Variants in PCSK7 observed in about 807,000 individuals in gnomAD.
PCSK7 encodes the protein proprotein convertase subtilisin/kexin type 7, also known as lymphoma proprotein convertase.
PCSK7 carries 38 observed loss-of-function variants against 73.3 expected under a neutral mutation model. That is an observed-to-expected ratio of 0.52 (90% CI 0.40 to 0.68). The LOEUF (loss-of-function observed/expected upper bound fraction) is 0.68, where lower values mean the gene tolerates loss of function less well. Among genes scored for constraint, PCSK7 ranks in the 30% least tolerant of loss-of-function variants. The probability of loss-of-function intolerance (pLI) is 0.00; values close to 1 mark genes in which losing one functional copy is unlikely to be tolerated. For synonymous variants in PCSK7, 296 were observed against 383.8 expected (o/e 0.77, Z 2.68); for missense variants, 692 against 991.5 (o/e 0.70, Z 4.06).
At position 117,204,844 on chromosome 11, in the gene PCSK7, G is replaced by T. The variant is rs1255054600; in HGVS notation, c.*1153C>A. 5 of 296,372 alleles carry T rather than the reference G, an allele frequency of 1.7e-5. No homozygotes were observed. The highest frequency in any genetic ancestry group is 2.7e-5 in the Non-Finnish European group (4 of 150,808). 18.4% of individuals were successfully genotyped at this position (296,372 alleles called of 1,614,324 possible). Reference sequence around the variant, plus strand: ...CCTGGTCACTTTTGTTATGGTTTCAGATCTGCGCAGGGGACAGGCAGGCAT... The same window carrying T: ...CCTGGTCACTTTTGTTATGGTTTCATATCTGCGCAGGGGACAGGCAGGCAT... On this transcript the variant is annotated 3_prime_UTR_variant, in exon 17 of 17. Transcript: ENST00000320934.
At position 117,229,694 on chromosome 11, in the gene PCSK7, C is replaced by G; in HGVS notation, c.151G>C (p.Gly51Arg). The G allele has an allele frequency of 6.2e-7, 1 of 1,613,862 alleles. No homozygotes were observed. Among genetic ancestry groups the G allele is most frequent in the Non-Finnish European group, 8.5e-7 (1 of 1,179,784 alleles). ...TGGPDGQGTG[G>R]PSWAVHLESL... ...TCCAGGTGCACAGCCCAGCTCGGCC[C>G]CCCTGTGCCCTGGCCATCAGGCCCA... The change falls in exon 3 of 17, where the codon GGG becomes CGG. Residue 51 changes from glycine to arginine, a missense_variant. Transcript: ENST00000320934.
intron 1 of PCSK7, chr11:117,230,997 C>T (rs988256102): frequency 6.6e-6 from 1 of 151,078 alleles, no homozygotes. Context: ...ACTCAGACTC[C>T]AGACTGGGAC....
At chr11:117,216,736 C>T (rs1328824928) in intron 12 of PCSK7, 3 of 152,092 alleles carry the variant, frequency 2.0e-5, no homozygotes, top group African/African-American at 7.2e-5. Flanking sequence ...GCTCAACTCT[C>T]ATTTTAACTG....
At chr11:117,225,602 G>A (rs2032391934) in intron 6 of PCSK7, 1 of 353,266 alleles carries the variant, frequency 2.8e-6, no homozygotes, top group South Asian at 4.1e-5. Flanking sequence ...CATTGGCGTG[G>A]GGTGGGGGAT....
At chr11:117,209,443 T>C (rs1397455179) in intron 12 of PCSK7, 4 of 202,766 alleles carry the variant, frequency 2.0e-5, no homozygotes, top group East Asian at 2.7e-4. Flanking sequence ...GTATGGGAAA[T>C]ATACATAATT....
Position 117,229,578 on chromosome 11 carries a change from G to A in PCSK7, c.267C>T (p.Ile89=), listed in dbSNP as rs148605424. ...AGAGGTAGTGCCCCTGAAGCTCTCC[G>A]ATGCGTCCAGCATTCACCAGCCCTG... ...QAAGLVNAGR[I]GELQGHYLFV... is the part of the protein sequence containing the mutation. The change falls in exon 3 of 17, where the codon ATC becomes ATT. Residue 89 remains isoleucine (I), a synonymous_variant. Coordinates refer to ENST00000320934, the MANE Select transcript of PCSK7 (RefSeq NM_004716.4). 6.4e-5 allele frequency: 104 copies of A among 1,614,036 alleles called. No homozygotes were observed. The African/African-American group carries it at 7.2e-4, about 11-fold the overall frequency.
At chr11:117,210,396 G>C (rs1055203704) in intron 12 of PCSK7, 2 of 141,378 alleles carry the variant, frequency 1.4e-5, no homozygotes, top group African/African-American at 5.5e-5. Flanking sequence ...GTCTCTCTCT[G>C]TTGCCAGGCT....
chr11:117,211,000 C>T (rs1342884769), intron 12 of PCSK7: 1 of 152,158 alleles, frequency 6.6e-6, no homozygotes, highest in Non-Finnish European at 1.5e-5. Flanking sequence ...GACACAGTAG[C>T]TCAGAGAGGC....
chr11:117,224,845 G>T, intron 6 of PCSK7, 90 bp from the exon 7 acceptor site: 1 of 911,852 alleles, frequency 1.1e-6, no homozygotes, highest in Non-Finnish European at 1.8e-6. Flanking sequence ...GCTGCCCTTT[G>T]ACCTGCAGCT....
Position 117,223,305 on chromosome 11 carries a change from G to T in PCSK7, c.1058C>A (p.Ala353Asp). 3 of 1,595,708 alleles carry T rather than the reference G, an allele frequency of 1.9e-6. No homozygotes were observed. Among genetic ancestry groups the T allele is most frequent in the Non-Finnish European group, 2.6e-6 (3 of 1,163,304 alleles). Residue 353 changes from alanine to aspartate, a missense_variant, in exon 9 of 17, where the codon GCT becomes GAT. Ala to Asp is a moderately radical substitution (Grantham distance 126, BLOSUM62 -2). Coordinates refer to ENST00000320934, the MANE Select transcript of PCSK7 (RefSeq NM_004716.4). The part of the protein sequence containing the change: ...ANSIYTVTIG[A>D]VDEEGRMPFY... ...AGGCATGCGTCCCTCCTCATCCACA[G>T]CTCCTAGGGACAGAGGAGGGAGATT...
rs1591806049 is a variant in PCSK7, at chr11:117,227,339, G to T, written c.604-17C>A. The stretch of plus-strand genomic sequence containing the variant: ...CTCAGGGCTCTGAAATATTTTGGAG[G>T]TGACATGTGGTCATTCACTGGTTAG... On this transcript the variant is annotated splice_polypyrimidine_tract_variant and intron_variant, in intron 4 of 16. Transcript: ENST00000320934. The T allele has an allele frequency of 1.2e-6, 2 of 1,604,830 alleles. No homozygotes were observed. The highest frequency in any genetic ancestry group is 1.3e-5 in the African/African-American group (1 of 74,864).
In PCSK7 at chr11:117,227,165, C is replaced by T. The variant is rs780457857; in HGVS notation, c.761G>A (p.Arg254His). The part of the protein sequence containing the change: ...FCAVGVAYGS[R>H]IAGIRVLDGP... The stretch of plus-strand genomic sequence containing the variant: ...CTGGAGGCACAAGTTACCTGCGATG[C>T]GGCTCCCGTAGGCCACGCCCACGGC... The change falls in exon 5 of 17, where the codon CGC becomes CAC. Residue 254 changes from arginine (R) to histidine (H), a missense_variant. By Grantham distance (29) the Arg-to-His change is conservative (BLOSUM62 0). This residue lies in a region of PCSK7 where 574 missense variants were observed against 689.8 expected (regional missense o/e 0.83). Coordinates refer to ENST00000320934, the MANE Select transcript of PCSK7 (RefSeq NM_004716.4). 2.9e-5 allele frequency: 46 copies of T among 1,597,430 alleles called. No homozygotes were observed. Among genetic ancestry groups the T allele is most frequent in the East Asian group, 2.5e-4 (11 of 44,454 alleles).
At chr11:117,213,964 T>TC (rs1220958129) in intron 12 of PCSK7, 2 of 131,218 alleles carry the variant, frequency 1.5e-5, no homozygotes, top group African/African-American at 3.2e-5. Context: ...TTCTTTTTTT[T>TC]TTTTTTTTTT....
At chr11:117,208,524 AT>A (rs11410650) in intron 13 of PCSK7, 3 of 270,842 alleles carry the variant, frequency 1.1e-5, no homozygotes, top group Non-Finnish European at 1.8e-5. Flanking sequence ...TAATCTTTAA[AT>A]TTTTTGTAGA....
chr11:117,221,613 A>T (rs2032192351), intron 9 of PCSK7: 1 of 152,284 alleles, frequency 6.6e-6, no homozygotes, highest in African/African-American at 2.4e-5. Flanking sequence ...GAACTCTGCT[A>T]AACACACTCT....
At chr11:117,226,240 G>C (rs758182134) in intron 5 of PCSK7, 3 of 551,114 alleles carry the variant, frequency 5.4e-6, no homozygotes, top group Non-Finnish European at 9.8e-6. Context: ...GGGTTCAAGC[G>C]ATTGTCTTGC....
chr11:117,206,920 C>T (rs1565300116), intron 15 of PCSK7, 122 bp from the exon 16 acceptor site: 1 of 891,546 alleles, frequency 1.1e-6, no homozygotes, highest in African/African-American at 1.7e-5. Flanking sequence ...AGGAGAGGCC[C>T]AGACTGTGAG....
Position 117,218,631 on chromosome 11 carries a change from C to T in PCSK7, c.1432-63G>A, listed in dbSNP as rs541868208. On this transcript the variant is annotated intron_variant, in intron 11 of 16. Transcript: ENST00000320934. The surrounding 1 kb of genome is among the most constrained non-coding windows in gnomAD (Gnocchi z 4.0). ...AAGAATGATCACACCCACATTCTCA[C>T]AAACACACACGCCCTTGTCAATACG... 46 of 849,004 alleles carry T rather than the reference C, an allele frequency of 5.4e-5. No individual in the cohort carries two copies. The highest frequency in any genetic ancestry group is 2.2e-4 in the Middle Eastern group (1 of 4,446). The allele number at this position is 849,004 out of a possible 1,614,324, so 52.6% of individuals were successfully genotyped here.
At chr11:117,215,364 T>TTTTTTTTTGTGTGTGTATGTGTG (rs57433360) in intron 12 of PCSK7, 1 of 84,920 alleles carries the variant, frequency 1.2e-5, no homozygotes, top group African/African-American at 7.5e-5. Flanking sequence ...CCTGGCTAAT[T>TTTTTTTTTGTGTGTGTATGTGTG]TGTGTGTGTG....
Sources: gnomAD v4.1 joint callset for allele counts on GRCh38, gnomAD v4.1.1 for gene constraint, gnomAD v4.1.1 regional missense constraint, Gnocchi (gnomAD v3.1) non-coding constraint, MANE v1.5 for transcripts, NCBI Gene and HGNC (gene_info 2026-07-23, HGNC 2026-07-21) for gene names.